NEMF: variants seen among roughly 807,000 people sequenced by gnomAD.
NEMF encodes the protein nuclear export mediator factor, also known as ribosome quality control complex subunit NEMF.
In NEMF, 89 loss-of-function variants were observed where a neutral mutation model predicts 162.2. The ratio of observed to expected loss-of-function variants is 0.55; its 90% CI spans 0.46 to 0.65. NEMF has a LOEUF of 0.65. Ranked by LOEUF, NEMF falls within the 30% of genes least tolerant of loss-of-function variation. The pLI, the probability that NEMF is intolerant of heterozygous loss-of-function variation, is 0.00. For missense variants in NEMF, 1,133 were observed against 1,261.9 expected (o/e 0.90, Z 1.55); for synonymous variants, 421 against 404.5 (o/e 1.04, Z -0.49).
intron 1 of NEMF, among the ~76,000 whole-genome samples, chr14:49,852,200 G>A (rs1893812634): frequency 6.6e-6 from 1 of 151,890 alleles, no homozygotes; most frequent in African/African-American, 2.4e-5. Flanking sequence ...AGAGGGCCCC[G>A]AAAATATGAC....
chr14:49,803,372 A>T, intron 19 of NEMF, 78 bp from the exon 20 acceptor site: 1 of 1,002,866 alleles, frequency 1.0e-6, no homozygotes, highest in Admixed American at 2.1e-5. Context: ...GGAGAAAGTA[A>T]AGTCAGAGTC....
Position 49,849,451 on chromosome 14 carries a change from A to C in NEMF, c.231+2112T>G, listed in dbSNP as rs571882297. 2.0e-5 allele frequency among the ~76,000 whole-genome samples: 3 copies of C among 152,362 alleles called. No individual in the cohort carries two copies. The South Asian group carries it at 6.2e-4, about 32-fold the overall frequency. ...CATCCCCAAATGTGAATACTGGAAC[A>C]ACCACTGTGATTTATCACATAATAG... is the stretch of plus-strand genomic sequence containing the variant. On this transcript the variant is annotated intron_variant, in intron 3 of 32. Transcript: ENST00000298310.
Position 49,795,838 on chromosome 14 carries a change from T to C in NEMF, c.2572A>G (p.Thr858Ala), listed in dbSNP as rs1296808961. Reference sequence around the variant, plus strand: ...TGCACAGCCGCAACATTTTTGCTTGTGTTCTGATGAGTTTCAATGTGTACA... The same window carrying C: ...TGCACAGCCGCAACATTTTTGCTTGCGTTCTGATGAGTTTCAATGTGTACA... ...STVHIETHQNTSKNVAAVQPM... is the reference protein window; with the variant it reads ...STVHIETHQNASKNVAAVQPM... The change falls in exon 26 of 33, where the codon ACA (threonine) becomes GCA (alanine). Residue 858 changes from threonine to alanine, a missense_variant. By Grantham distance (58) the Thr-to-Ala change is moderately conservative (BLOSUM62 0). Coordinates refer to ENST00000298310, the MANE Select transcript of NEMF (RefSeq NM_004713.6). 6.2e-7 allele frequency: 1 copy of C among 1,613,342 alleles called. No homozygotes were observed. Among genetic ancestry groups the C allele is most frequent in the African/African-American group, 1.3e-5 (1 of 74,888 alleles).
chr14:49,806,248 ATATATATATTTTTT>A (rs1264004900), intron 18 of NEMF, 115 bp from the exon 19 acceptor site: 3 of 15,626 alleles, frequency 1.9e-4, no homozygotes, highest in South Asian at 6.5e-3. Context: ...ATATATATAT[ATATATATATTTTTT>A]TTTTTTTTTT....
intron 16 of NEMF, among the ~76,000 whole-genome samples, chr14:49,823,107 T>TG (rs1350747391): frequency 6.6e-6 from 1 of 151,982 alleles, no homozygotes; most frequent in Non-Finnish European, 1.5e-5. Context: ...CAGCTAATTT[T>TG]TTTTGTATTT....
chr14:49,806,983 T>C (rs995609768), intron 18 of NEMF, among the ~76,000 whole-genome samples: 4 of 152,202 alleles, frequency 2.6e-5, no homozygotes, highest in African/African-American at 7.2e-5. Context: ...ACTATTTAAT[T>C]CCAGAATATT....
intron 6 of NEMF, among the ~76,000 whole-genome samples, chr14:49,835,165 A>G (rs1018698926): frequency 2.7e-5 from 4 of 150,498 alleles, no homozygotes; most frequent in Non-Finnish European, 4.4e-5. Flanking sequence ...GTGCCATTGC[A>G]CTGCAGCCTG....
At chr14:49,837,331 C>T (rs1018927558) in intron 6 of NEMF, among the ~76,000 whole-genome samples, 3 of 152,022 alleles carry the variant, frequency 2.0e-5, no homozygotes, top group Non-Finnish European at 4.4e-5. Flanking sequence ...TCAACCTGTA[C>T]TACCTGATTT....
chr14:49,822,185 C>T (rs534130187), intron 16 of NEMF, among the ~76,000 whole-genome samples: 5 of 152,134 alleles, frequency 3.3e-5, no homozygotes, highest in African/African-American at 1.2e-4. Flanking sequence ...CTAGGAAAAC[C>T]AGAGACCTTT....
intron 27 of NEMF, 31 bp downstream of exon 27, chr14:49,789,465 A>G (rs1174701171): frequency 1.2e-6 from 2 of 1,610,650 alleles, no homozygotes; most frequent in East Asian, 2.2e-5. Context: ...TTTGAAAAGC[A>G]AAAGAAAAAA....
At chr14:49,829,646 G>A (rs1892541813) in intron 11 of NEMF, among the ~76,000 whole-genome samples, 1 of 151,876 alleles carries the variant, frequency 6.6e-6, no homozygotes, top group Non-Finnish European at 1.5e-5. Context: ...TATATAGAAA[G>A]GTATTTTGAT....
intron 25 of NEMF, chr14:49,796,145 G>T: frequency 1.6e-6 from 1 of 609,492 alleles, no homozygotes; most frequent in Non-Finnish European, 3.0e-6. Context: ...ATCTCTCATG[G>T]ATTTATCTTT....
chr14:49,821,946 T>A (rs1892084321), intron 16 of NEMF, among the ~76,000 whole-genome samples: 1 of 152,088 alleles, frequency 6.6e-6, no homozygotes, highest in African/African-American at 2.4e-5. Flanking sequence ...TGGGAGACTT[T>A]TCATTTTGTT....
At chr14:49,812,700 G>A (rs894111251) in intron 18 of NEMF, among the ~76,000 whole-genome samples, 1 of 151,746 alleles carries the variant, frequency 6.6e-6, no homozygotes, top group Non-Finnish European at 1.5e-5. Context: ...ACATACTTAC[G>A]AATTTAAAAC....
rs765448676 is a variant in NEMF, at chr14:49,828,296, C to T, written c.1483G>A (p.Glu495Lys). Residue 495 changes from glutamate to lysine, a missense_variant, in exon 15 of 33, where the codon GAG becomes AAG. Glu to Lys is a moderately conservative substitution (Grantham distance 56). This residue lies in a region of NEMF where 582 missense variants were observed against 631.5 expected (regional missense o/e 0.92). Coordinates refer to ENST00000298310, the MANE Select transcript of NEMF (RefSeq NM_004713.6). ...KKTQKTVEAA[E>K]KAFKSAEKKT... ...CTCTAAGAAATACTCAGTACCTTCT[C>T]AGCAGCTTCAACAGTCTTTTGTGTT... 1 of 1,602,506 alleles carries T rather than the reference C, an allele frequency of 6.2e-7. No individual in the cohort carries two copies. The highest frequency in any genetic ancestry group is 8.5e-7 in the Non-Finnish European group (1 of 1,170,416).
At position 49,795,804 on chromosome 14, in the gene NEMF, T is replaced by G. The variant is rs1453227464; in HGVS notation, c.2606A>C (p.Lys869Thr). Residue 869 changes from lysine (K) to threonine (T), a missense_variant, in exon 26 of 33, where the codon AAA becomes ACA. Transcript: ENST00000298310. ...SKNVAAVQPM[K>T]RGQKSKMKKM... is the part of the protein sequence containing the mutation. The stretch of plus-strand genomic sequence containing the variant: ...CCTGAAGTTTACCTTTTGTCCTCGT[T>G]TCATTGGCTGCACAGCCGCAACATT... 6.2e-7 allele frequency: 1 copy of G among 1,610,922 alleles called. No homozygotes were observed. The highest frequency in any genetic ancestry group is 1.7e-5 in the Admixed American group (1 of 58,898).
At chr14:49,785,387 T>C (rs985848190) in intron 29 of NEMF, 67 bp from the exon 30 acceptor site, 4 of 1,004,580 alleles carry the variant, frequency 4.0e-6, no homozygotes, top group Admixed American at 3.4e-5. Context: ...GCTAAAACAC[T>C]TGAATTAGTA....
Position 49,782,508 on chromosome 14 carries a change from G to C in NEMF, c.*2128C>G. 2 of 1,598,182 alleles carry C rather than the reference G, an allele frequency of 1.3e-6. No individual in the cohort carries two copies. Among genetic ancestry groups the C allele is most frequent in the Middle Eastern group, 3.3e-4 (2 of 6,012 alleles). On this transcript the variant is annotated 3_prime_UTR_variant, in exon 33 of 33. Coordinates refer to ENST00000298310, the MANE Select transcript of NEMF (RefSeq NM_004713.6). ...ACTGAAACTTACTTGCAAAGCATTT[G>C]CTTTTAAATGTGTTCTTCCTATTTA... is the stretch of plus-strand genomic sequence containing the variant.
intron 26 of NEMF, among the ~76,000 whole-genome samples, chr14:49,791,686 G>A (rs572099610): frequency 7.3e-5 from 11 of 150,820 alleles, no homozygotes; most frequent in South Asian, 2.1e-4. Context: ...GCAGTGAGCC[G>A]AGATCGCGCC....
Sources: gnomAD v4.1 joint callset for allele counts (sites outside exome capture counted in the v4.1 genomes callset) on GRCh38, gnomAD v4.1.1 for gene constraint, gnomAD v4.1.1 regional missense constraint, MANE v1.5 for transcripts, NCBI Gene and HGNC (gene_info 2026-07-23, HGNC 2026-07-21) for gene names.